Variants in SNX22 observed in about 807,000 individuals in gnomAD.
The protein encoded by SNX22 is sorting nexin 22.
SNX22 carries 23 observed loss-of-function variants against 24.7 expected under a neutral mutation model. The ratio of observed to expected loss-of-function variants is 0.93; its 90% CI spans 0.67 to 1.32. The LOEUF (loss-of-function observed/expected upper bound fraction) is 1.32. Among genes scored for constraint, SNX22 ranks in the 40% most tolerant of loss-of-function variants. The probability of loss-of-function intolerance (pLI) is 0.00; values close to 1 mark genes in which losing one functional copy is unlikely to be tolerated. For missense variants in SNX22, 261 were observed against 249.9 expected, an observed-to-expected ratio of 1.04 and a Z score of -0.30; for synonymous variants, 99 against 104.0, an observed-to-expected ratio of 0.95 and a Z score of 0.29.
At chr15:64,152,801 CAG>C in intron 3 of SNX22, 59 bp downstream of exon 3, 3 of 1,499,246 alleles carry the variant, frequency 2.0e-6, no homozygotes, top group Non-Finnish European at 2.8e-6. Context: ...GTGGCCCAGA[CAG>C]AGAGGTGTGG....
chr15:64,154,205 C>G, intron 6 of SNX22, 182 bp from the exon 7 acceptor site: 1 of 1,575,652 alleles, frequency 6.3e-7, no homozygotes, highest in Non-Finnish European at 8.6e-7. Flanking sequence ...AGCAGCCTGA[C>G]TTCTTTACCA....
In SNX22 at chr15:64,152,747, G is replaced by T; in HGVS notation, c.264+5G>T. ...GGCTTGGAGGCTTACATCCAGGTAT[G>T]CGAGAGCACAGTTGGTTGCCCCCCG... On this transcript the variant is annotated splice_donor_5th_base_variant and intron_variant, in intron 3 of 6. Transcript: ENST00000325881. The T allele has an allele frequency of 6.2e-7, 1 of 1,613,704 alleles. No individual in the cohort carries two copies. The highest frequency in any genetic ancestry group is 8.5e-7 in the Non-Finnish European group (1 of 1,179,642).
At position 64,153,907 on chromosome 15, in the gene SNX22, C is replaced by T. The variant is rs755649476; in HGVS notation, c.393-28C>T. The T allele has an allele frequency of 6.2e-6, 10 of 1,604,072 alleles. No homozygotes were observed. In the African/African-American group the frequency reaches 6.7e-5, roughly 11 times the overall value. On this transcript the variant is annotated intron_variant, in intron 5 of 6. Coordinates refer to ENST00000325881, the MANE Select transcript of SNX22 (RefSeq NM_024798.3). ...GGGATTCTGCCCTGCCTCCCGCACC[C>T]ATGGTTCATGACCCTGTTTCCTCCC...
At position 64,152,638 on chromosome 15, in the gene SNX22, A is replaced by G; in HGVS notation, c.160A>G (p.Ile54Val). 8 of 1,614,106 alleles carry G rather than the reference A, an allele frequency of 5.0e-6. No homozygotes were observed. The highest frequency in any genetic ancestry group is 5.9e-6 in the Non-Finnish European group (7 of 1,179,966). The change falls in exon 3 of 7, where the codon ATC becomes GTC. Residue 54 changes from isoleucine (I) to valine (V), a missense_variant and splice_region_variant. Ile to Val is a conservative substitution (Grantham distance 29, BLOSUM62 3). Coordinates refer to ENST00000325881, the MANE Select transcript of SNX22 (RefSeq NM_024798.3). ...ATCGCACGCGGTAAACCTCCAGTAG[A>G]TCAAGAAGCTGTACAAAGTGCCCGA... ...YSEFHALHKR[I>V]KKLYKVPDFP...
At position 64,155,954 on chromosome 15, in the gene SNX22, A is replaced by T. The variant is rs2081526673; in HGVS notation, c.*1446A>T. On this transcript the variant is annotated 3_prime_UTR_variant, in exon 7 of 7. Transcript: ENST00000325881. ...CAGATGCCAGCACCGGGGCCAGTGC[A>T]GCTCAGAGCCCTGTGGCGGACTACA... is the stretch of plus-strand genomic sequence containing the variant. 6.2e-7 allele frequency: 1 copy of T among 1,611,448 alleles called. No homozygotes were observed.
Position 64,156,739 on chromosome 15 carries a change from C to G in SNX22, c.*2231C>G, listed in dbSNP as rs1316594476. On this transcript the variant is annotated 3_prime_UTR_variant, in exon 7 of 7. Transcript: ENST00000325881. The surrounding 1 kb of genome is among the most constrained non-coding windows in gnomAD (Gnocchi z 6.4). ...CCACAACTCACCATGCCCTCTAGAACTTTGCCAAACACCACATGCTTGCCA... is the reference window on the plus strand; with the variant it reads ...CCACAACTCACCATGCCCTCTAGAAGTTTGCCAAACACCACATGCTTGCCA... The G allele has an allele frequency of 6.8e-6, 11 of 1,614,196 alleles. No homozygotes were observed. Among genetic ancestry groups the G allele is most frequent in the Non-Finnish European group, 6.8e-6 (8 of 1,180,044 alleles).
chr15:64,156,884 G>T lies in SNX22; in HGVS notation c.*2376G>T. The T allele has an allele frequency of 2.5e-6, 4 of 1,614,182 alleles. No homozygotes were observed. Among genetic ancestry groups the T allele is most frequent in the Non-Finnish European group, 3.4e-6 (4 of 1,180,028 alleles). ...GCTTCAGTTTGAAGTTCTCATCGGG[G>T]AAGCGCTCACCGTAGATGCTCTTTC... On this transcript the variant is annotated 3_prime_UTR_variant, in exon 7 of 7. Transcript: ENST00000325881. The surrounding 1 kb of genome is among the most constrained non-coding windows in gnomAD (Gnocchi z 6.4).
At position 64,155,921 on chromosome 15, in the gene SNX22, C is replaced by T. The variant is rs987657075; in HGVS notation, c.*1413C>T. The T allele has an allele frequency of 2.4e-5, 37 of 1,574,008 alleles. No homozygotes were observed. In the Admixed American group the frequency reaches 3.5e-4, roughly 15 times the overall value. ...CTGTGGAATGTGAGGGGAGTGGGTC[C>T]GCTCCACCAGATGCCAGCACCGGGG... On this transcript the variant is annotated 3_prime_UTR_variant, in exon 7 of 7. Coordinates refer to ENST00000325881, the MANE Select transcript of SNX22 (RefSeq NM_024798.3).
chr15:64,151,800 G>A lies in SNX22; in HGVS notation c.25G>A (p.Val9Met). 1 of 1,538,280 alleles carries A rather than the reference G, an allele frequency of 6.5e-7. No homozygotes were observed. The highest frequency in any genetic ancestry group is 8.7e-7 in the Non-Finnish European group (1 of 1,144,318). The change falls in exon 1 of 7, where the codon GTG (valine) becomes ATG (methionine). Residue 9 changes from valine (V) to methionine (M), a missense_variant. Coordinates refer to ENST00000325881, the MANE Select transcript of SNX22 (RefSeq NM_024798.3). MLEVHIPS[V>M]GPEAEGPRQS... is the part of the protein sequence containing the mutation. ...GATGCTGGAAGTTCACATCCCGTCG[G>A]TGGGGCCCGAGGCCGAGGGGCCCAG...
chr15:64,153,152 TTTTTTGGAACAAAGAGCC>T, intron 3 of SNX22, 75 bp from the exon 4 acceptor site: 7 of 1,501,354 alleles, frequency 4.7e-6, no homozygotes, highest in Non-Finnish European at 6.4e-6. Context: ...GTGAAATTCT[TTTTTTGGAACAAAGAGCC>T]CTGCATTTTC....
intron 3 of SNX22, 110 bp downstream of exon 3, chr15:64,152,852 A>T: frequency 1.1e-6 from 1 of 873,726 alleles, no homozygotes; most frequent in Non-Finnish European, 1.8e-6. Flanking sequence ...TGGGGATGTT[A>T]TTCACCACCT....
Position 64,156,968 on chromosome 15 carries a change from TC to T in SNX22, c.*2461del. On this transcript the variant is annotated 3_prime_UTR_variant, in exon 7 of 7. Transcript: ENST00000325881. This position sits in a 1 kb window ranked among gnomAD's most constrained non-coding sequence, Gnocchi z 6.4. ...GGATTGCGCCAAACCAAGCAGACAT[TC>T]GGGGCCAGGACTGAGGGGGCTTAAC... 6.4e-7 allele frequency: 1 copy of T among 1,568,024 alleles called. No individual in the cohort carries two copies. The highest frequency in any genetic ancestry group is 1.7e-5 in the Admixed American group (1 of 59,112).
chr15:64,152,126 C>T, intron 1 of SNX22, 117 bp from the exon 2 acceptor site: 1 of 1,098,240 alleles, frequency 9.1e-7, no homozygotes, highest in Non-Finnish European at 1.2e-6. Flanking sequence ...GCCGCGGCGC[C>T]GCAAGGCCGC....
Position 64,154,409 on chromosome 15 carries a change from G to A in SNX22, c.483G>A (p.Val161=), listed in dbSNP as rs781531902. The A allele has an allele frequency of 3.1e-6, 5 of 1,614,164 alleles. No homozygotes were observed. The highest frequency in any genetic ancestry group is 4.2e-6 in the Non-Finnish European group (5 of 1,180,026). ...CAGAGTCGCTGCCCAACGTGGTGGT[G>A]AATGGTGTGCTCCAGGGCCTCTACA... ...PSPESLPNVV[V]NGVLQGLYSF... Residue 161 remains valine (V), a synonymous_variant, in exon 7 of 7, where the codon GTG becomes GTA. Coordinates refer to ENST00000325881, the MANE Select transcript of SNX22 (RefSeq NM_024798.3).
At chr15:64,153,776 T>C in intron 5 of SNX22, 92 bp downstream of exon 5, 1 of 1,599,926 alleles carries the variant, frequency 6.3e-7, no homozygotes. Context: ...CTGTCTGGCC[T>C]GGGCCCTGAA....
chr15:64,155,861 T>G lies in SNX22; in HGVS notation c.*1353T>G. The G allele has an allele frequency of 2.0e-6, 2 of 1,021,262 alleles. No homozygotes were observed. The highest frequency in any genetic ancestry group is 3.0e-6 in the Non-Finnish European group (2 of 667,214). 63.3% of individuals were successfully genotyped at this position (1,021,262 alleles called of 1,614,324 possible). A position where few individuals can be genotyped will look rare whatever the true frequency, so the allele number is the denominator to read the frequency against. ...CACATTTTTTTTTATTGGTCAGTGTTGGTAGGAGTTTGTTACAAAAGTGAG... is the reference window on the plus strand; with the variant it reads ...CACATTTTTTTTTATTGGTCAGTGTGGGTAGGAGTTTGTTACAAAAGTGAG... On this transcript the variant is annotated 3_prime_UTR_variant, in exon 7 of 7. Transcript: ENST00000325881.
At chr15:64,154,224 T>G (rs2081509869) in intron 6 of SNX22, 163 bp from the exon 7 acceptor site, 1 of 1,578,778 alleles carries the variant, frequency 6.3e-7, no homozygotes, top group Non-Finnish European at 8.6e-7. Context: ...CAAGCTGATG[T>G]GAAAAGAATG....
intron 3 of SNX22, chr15:64,152,961 A>G (rs149490885): frequency 3.3e-6 from 2 of 608,636 alleles, no homozygotes; most frequent in East Asian, 2.8e-5. Context: ...TCCCAGCTCC[A>G]TGAAACCCAG....
Position 64,156,536 on chromosome 15 carries a change from G to A in SNX22, c.*2028G>A. On this transcript the variant is annotated 3_prime_UTR_variant, in exon 7 of 7. Transcript: ENST00000325881. This position sits in a 1 kb window ranked among gnomAD's most constrained non-coding sequence, Gnocchi z 6.4. Reference sequence around the variant, plus strand: ...TGCAGCCTTCCTGGCTGGGCTCTGAGGGGGCTGGAAGAATTTAGAACCTTG... The same window carrying A: ...TGCAGCCTTCCTGGCTGGGCTCTGAAGGGGCTGGAAGAATTTAGAACCTTG... 1.2e-5 allele frequency: 9 copies of A among 766,170 alleles called. No individual in the cohort carries two copies. The South Asian group carries it at 1.4e-4, about 12-fold the overall frequency. 47.5% of individuals were successfully genotyped at this position (766,170 alleles called of 1,614,324 possible).
Sources: gnomAD v4.1 joint callset for allele counts on GRCh38, gnomAD v4.1.1 for gene constraint, Gnocchi (gnomAD v3.1) non-coding constraint, MANE v1.5 for transcripts, NCBI Gene and HGNC (gene_info 2026-07-23, HGNC 2026-07-21) for gene names.